The following GALNT17 variants were observed in gnomAD, a reference collection of about 807,000 sequenced individuals.
The protein encoded by GALNT17 is UDP-GalNAc:polypeptide N-acetylgalactosaminyltransferase-like 3.
In GALNT17, 29 loss-of-function variants were observed where a neutral mutation model predicts 63.7. That is an observed-to-expected ratio of 0.46 (90% confidence interval 0.34 to 0.62). GALNT17 has a LOEUF of 0.62. Ranked by LOEUF, GALNT17 falls within the 20% of genes least tolerant of loss-of-function variation. GALNT17 has a pLI of 0.01. For synonymous variants in GALNT17, 305 were observed against 318.3 expected (o/e 0.96, Z 0.45); for missense variants, 603 against 799.6 (o/e 0.75, Z 2.97).
intron 2 of GALNT17, among the ~76,000 whole-genome samples, chr7:71,341,140 A>C (rs1215365049): frequency 6.6e-6 from 1 of 152,214 alleles, no homozygotes; most frequent in Admixed American, 6.5e-5. Flanking sequence ...ACTTGAACCT[A>C]GGAGTTAGAG....
intron 6 of GALNT17, among the ~76,000 whole-genome samples, chr7:71,654,056 C>T (rs1470229375): frequency 1.3e-5 from 2 of 152,106 alleles, no homozygotes; most frequent in African/African-American, 2.4e-5. Context: ...TGGCTCTTCA[C>T]CCAGGCTGGA....
chr7:71,236,290 T>C (rs909898176), intron 1 of GALNT17, among the ~76,000 whole-genome samples: 43 of 152,232 alleles, frequency 2.8e-4, no homozygotes, highest in African/African-American at 1.0e-3. Flanking sequence ...ATTGCTACCC[T>C]ATCTCAGGGT....
At position 71,351,554 on chromosome 7, in the gene GALNT17, G is replaced by T. The variant is rs373731866; in HGVS notation, c.422+15821G>T. On this transcript the variant is annotated intron_variant, in intron 2 of 10. Coordinates refer to ENST00000333538, the MANE Select transcript of GALNT17 (RefSeq NM_022479.3). The stretch of plus-strand genomic sequence containing the variant: ...AGGAGAAAACACGGAGACTAAGACA[G>T]AGACAGAAGGAAGGAGGCCAAGTGA... 3.0e-4 allele frequency among the ~76,000 whole-genome samples: 46 copies of T among 152,150 alleles called. 2 individuals carry two copies. The highest frequency in any genetic ancestry group is 1.7e-3 in the East Asian group (9 of 5,160).
chr7:71,439,678 G>A (rs1323257136), intron 5 of GALNT17, among the ~76,000 whole-genome samples: 1 of 152,086 alleles, frequency 6.6e-6, no homozygotes, highest in African/African-American at 2.4e-5. Flanking sequence ...TTAAATTTAA[G>A]GATTTTTAAA....
intron 1 of GALNT17, among the ~76,000 whole-genome samples, chr7:71,242,254 T>TTTTTTC (rs1437814491): frequency 3.2e-4 from 47 of 146,168 alleles, no homozygotes; most frequent in Non-Finnish European, 5.9e-5. Context: ...CTTTTTTTTT[T>TTTTTTC]TTTTTCTTTT....
chr7:71,693,301 C>T (rs551473946), intron 9 of GALNT17, among the ~76,000 whole-genome samples: 17,674 of 81,676 alleles, frequency 0.22, 2,163 homozygotes, highest in African/African-American at 0.33. Flanking sequence ...CACACACACA[C>T]ACACACACAT....
intron 1 of GALNT17, among the ~76,000 whole-genome samples, chr7:71,179,086 A>G (rs1636479): frequency 0.26 from 40,059 of 152,074 alleles, 9,805 homozygotes; most frequent in African/African-American, 0.66. Flanking sequence ...TGAAAGGAAA[A>G]TACCCTGGGT....
chr7:71,468,137 C>T (rs1460676601), intron 5 of GALNT17, among the ~76,000 whole-genome samples: 2 of 152,108 alleles, frequency 1.3e-5, no homozygotes, highest in Non-Finnish European at 2.9e-5. Context: ...AAGTCATCCT[C>T]CTGCCGCAGT....
At chr7:71,690,415 A>G (rs1308476598) in intron 9 of GALNT17, among the ~76,000 whole-genome samples, 2 of 152,204 alleles carry the variant, frequency 1.3e-5, no homozygotes, top group African/African-American at 4.8e-5. Context: ...CTCATTGATA[A>G]TGGTCACCTA....
chr7:71,484,925 A>G (rs1342400030), intron 5 of GALNT17, among the ~76,000 whole-genome samples: 1 of 141,616 alleles, frequency 7.1e-6, no homozygotes, highest in Non-Finnish European at 1.5e-5. Flanking sequence ...CAACCTCCCA[A>G]GTAGCTGGGA....
rs115965710 is a variant in GALNT17, at chr7:71,254,686, G to A, written c.239-80864G>A. Among the ~76,000 whole-genome samples the A allele has an allele frequency of 3.6e-3, 546 of 152,204 alleles. 5 individuals are homozygous for A. Among genetic ancestry groups the A allele is most frequent in the African/African-American group, 0.013 (536 of 41,550 alleles). On this transcript the variant is annotated intron_variant, in intron 1 of 10. Transcript: ENST00000333538. ...CTTTGGAATGCCCTTGGCCAAGAAG[G>A]GGGTCCATCAATCAGTTGGGGGGCT...
chr7:71,407,795 G>A (rs911694374), intron 3 of GALNT17, among the ~76,000 whole-genome samples: 6 of 151,990 alleles, frequency 3.9e-5, no homozygotes, highest in Non-Finnish European at 7.4e-5. Context: ...CTTCTGCACC[G>A]TCAAAATTAA....
chr7:71,334,014 G>A (rs1791852834), intron 1 of GALNT17, among the ~76,000 whole-genome samples: 1 of 152,150 alleles, frequency 6.6e-6, no homozygotes. Context: ...GAGGGAGCAG[G>A]TAGAAAGTGC....
intron 6 of GALNT17, among the ~76,000 whole-genome samples, chr7:71,644,055 C>G (rs1790640367): frequency 6.6e-6 from 1 of 151,994 alleles, no homozygotes; most frequent in East Asian, 1.9e-4. Flanking sequence ...CTCGGGGAAG[C>G]CTCTTGTTTC....
chr7:71,551,367 T>G lies in GALNT17; in HGVS notation c.963-19918T>G, dbSNP rs372773801. 1.3e-4 allele frequency among the ~76,000 whole-genome samples: 20 copies of G among 152,334 alleles called. 1 individual carries two copies. The East Asian group carries it at 3.3e-3, about 25-fold the overall frequency. On this transcript the variant is annotated intron_variant, in intron 5 of 10. Coordinates refer to ENST00000333538, the MANE Select transcript of GALNT17 (RefSeq NM_022479.3). Reference sequence around the variant, plus strand: ...CCTGCCAAAAATTTTAAGCTTGCTTTTTAATTTTCTTAAGCACAGTAAACA... The same window carrying G: ...CCTGCCAAAAATTTTAAGCTTGCTTGTTAATTTTCTTAAGCACAGTAAACA...
chr7:71,508,941 C>A (rs12113449), intron 5 of GALNT17, among the ~76,000 whole-genome samples: 1 of 152,096 alleles, frequency 6.6e-6, no homozygotes, highest in Admixed American at 6.5e-5. Context: ...TGTGTGTATG[C>A]GTGTGCATGC....
intron 6 of GALNT17, among the ~76,000 whole-genome samples, chr7:71,657,053 T>G (rs1790838603): frequency 6.6e-6 from 1 of 152,158 alleles, no homozygotes; most frequent in Non-Finnish European, 1.5e-5. Flanking sequence ...AACCTACTTA[T>G]GCCCGAATGA....
intron 5 of GALNT17, among the ~76,000 whole-genome samples, chr7:71,471,808 A>G (rs958275252): frequency 2.6e-5 from 4 of 152,048 alleles, no homozygotes; most frequent in Non-Finnish European, 1.5e-5. Context: ...GCATGTGTGT[A>G]TTGGCTGAAT....
intron 3 of GALNT17, among the ~76,000 whole-genome samples, chr7:71,411,513 C>G (rs1255093097): frequency 6.6e-6 from 1 of 152,166 alleles, no homozygotes; most frequent in Non-Finnish European, 1.5e-5. Flanking sequence ...TTTATAGACT[C>G]ATTCACTTTA....
Sources: allele counts gnomAD v4.1 joint callset (sites outside exome capture counted in the v4.1 genomes callset), GRCh38; gene constraint gnomAD v4.1.1; transcripts MANE v1.5; gene names NCBI Gene and HGNC (gene_info 2026-07-23, HGNC 2026-07-21).